ALPL: variants seen among roughly 807,000 people sequenced by gnomAD.
The protein encoded by ALPL is alkaline phosphatase, tissue-nonspecific isozyme.
ALPL carries 42 observed loss-of-function variants against 51.3 expected under a neutral mutation model. The ratio of observed to expected loss-of-function variants is 0.82; its 90% confidence interval spans 0.64 to 1.06. The LOEUF (loss-of-function observed/expected upper bound fraction) is 1.06. ALPL is among the 50% of genes least tolerant of loss of function. The probability of loss-of-function intolerance (pLI) is 0.00; values close to 1 mark genes in which losing one functional copy is unlikely to be tolerated. For missense variants in ALPL, 589 were observed against 709.4 expected, an observed-to-expected ratio of 0.83 and a Z score of 1.93; for synonymous variants, 279 against 296.4, an observed-to-expected ratio of 0.94 and a Z score of 0.60.
intron 1 of ALPL, among the ~76,000 whole-genome samples, chr1:21,550,619 ACC>A (rs1644308228): frequency 1.3e-5 from 2 of 152,064 alleles, no homozygotes; most frequent in Admixed American, 6.6e-5. Flanking sequence ...TGACAGCTGA[ACC>A]CACCGTGTAA....
At chr1:21,552,114 T>TCCCCCCCCCCCCCCCCCC (rs1244827813) in intron 1 of ALPL, among the ~76,000 whole-genome samples, 1 of 51,432 alleles carries the variant, frequency 1.9e-5, no homozygotes, top group African/African-American at 7.1e-5. Context: ...TTTCCTCCCC[T>TCCCCCCCCCCCCCCCCCC]TCCCTTTCCT....
chr1:21,560,821 G>A (rs1014241499), intron 3 of ALPL, 76 bp downstream of exon 3: 2 of 1,586,214 alleles, frequency 1.3e-6, no homozygotes, highest in African/African-American at 1.3e-5. Context: ...CTGAGTTGAA[G>A]GGGGCTGTGT....
chr1:21,549,463 TTTTTTC>T (rs1486522535), intron 1 of ALPL, among the ~76,000 whole-genome samples: 1 of 151,176 alleles, frequency 6.6e-6, no homozygotes, highest in Non-Finnish European at 1.5e-5. Flanking sequence ...GGCTGAATGC[TTTTTTC>T]TTTTTCTTTT....
At chr1:21,521,223 C>T (rs922325644) in intron 1 of ALPL, among the ~76,000 whole-genome samples, 6 of 151,828 alleles carry the variant, frequency 4.0e-5, no homozygotes, top group African/African-American at 1.2e-4. Flanking sequence ...TCTGCTCTGT[C>T]GCCCAGGCTG....
At chr1:21,566,735 C>G (rs1446874272) in intron 6 of ALPL, among the ~76,000 whole-genome samples, 2 of 151,928 alleles carry the variant, frequency 1.3e-5, no homozygotes, top group East Asian at 3.9e-4. Context: ...GAGCACAAGC[C>G]TGTACCACCA....
In ALPL at chr1:21,554,021, C is replaced by CA; in HGVS notation, c.-61_-60insA. ...CATCTGACCACTGCCAGCCCACCCC[C>CA]TCCCACCCACGTCGATTGCATCTCT... On this transcript the variant is annotated 5_prime_UTR_variant, in exon 2 of 12. Transcript: ENST00000374840. 4 of 1,080,976 alleles carry CA rather than the reference C, an allele frequency of 3.7e-6. No individual in the cohort carries two copies. Among genetic ancestry groups the CA allele is most frequent in the Non-Finnish European group, 5.7e-6 (4 of 703,622 alleles). 67.0% of individuals were successfully genotyped at this position (1,080,976 alleles called of 1,614,324 possible). A position where few individuals can be genotyped will look rare whatever the true frequency, so the allele number is the denominator to read the frequency against.
intron 6 of ALPL, among the ~76,000 whole-genome samples, chr1:21,566,189 T>C (rs1644561960): frequency 6.6e-6 from 1 of 152,054 alleles, no homozygotes; most frequent in Non-Finnish European, 1.5e-5. Flanking sequence ...TAGAAATGCC[T>C]TCCAGTGGCA....
rs72874240 is a variant in ALPL, at chr1:21,513,935, G to A, written c.-105+4418G>A. On this transcript the variant is annotated intron_variant, in intron 1 of 11. Coordinates refer to ENST00000374840, the MANE Select transcript of ALPL (RefSeq NM_000478.6). Reference sequence around the variant, plus strand: ...CTCACACTTGCCCACCTGCCTCCCTGACATTACCTACCTACCTTCTGAGCT... The same window carrying A: ...CTCACACTTGCCCACCTGCCTCCCTAACATTACCTACCTACCTTCTGAGCT... Among the ~76,000 whole-genome samples the A allele has an allele frequency of 3.0e-3, 461 of 152,270 alleles. 4 individuals carry two copies. Among genetic ancestry groups the A allele is most frequent in the African/African-American group, 0.011 (449 of 41,554 alleles).
At chr1:21,511,161 T>A (rs1171172543) in intron 1 of ALPL, among the ~76,000 whole-genome samples, 1 of 152,240 alleles carries the variant, frequency 6.6e-6, no homozygotes, top group African/African-American at 2.4e-5. Context: ...TCTTCTGGAT[T>A]GGATGTTTGC....
chr1:21,563,084 T>A (rs1271932778), intron 4 of ALPL, 26 bp from the exon 5 acceptor site: 4 of 1,613,216 alleles, frequency 2.5e-6, no homozygotes, highest in Non-Finnish European at 3.4e-6. Flanking sequence ...CCTGGCCATC[T>A]CCTGACCCTC....
At chr1:21,527,530 A>G (rs1643964067) in intron 1 of ALPL, among the ~76,000 whole-genome samples, 1 of 150,952 alleles carries the variant, frequency 6.6e-6, no homozygotes, top group Admixed American at 6.6e-5. Context: ...TTGATGCTGT[A>G]ACTTTTATTA....
chr1:21,534,160 G>A (rs1570208215), intron 1 of ALPL, among the ~76,000 whole-genome samples: 2 of 152,084 alleles, frequency 1.3e-5, no homozygotes, highest in East Asian at 3.9e-4. Context: ...AATTTTTGTA[G>A]AGACAGGATT....
intron 6 of ALPL, among the ~76,000 whole-genome samples, chr1:21,566,841 C>T (rs900565886): frequency 6.6e-6 from 1 of 152,170 alleles, no homozygotes; most frequent in East Asian, 1.9e-4. Context: ...AAGTGATCCT[C>T]CCGCCTCAGC....
chr1:21,552,110 CCCCTTCCCTTTCCT>C (rs1277773680), intron 1 of ALPL, among the ~76,000 whole-genome samples: 244 of 2,626 alleles, frequency 0.093, 3 homozygotes, highest in Middle Eastern at 0.25. Context: ...TCCCTTTCCT[CCCCTTCCCTTTCCT>C]CCCTCCCCTC....
chr1:21,554,064 C>T lies in ALPL; in HGVS notation c.-18C>T. ...GCATCTCTGGGCTCCAGGGATAAAG[C>T]AGGTCTTGGGGTGCACCATGATTTC... On this transcript the variant is annotated 5_prime_UTR_variant, in exon 2 of 12. Coordinates refer to ENST00000374840, the MANE Select transcript of ALPL (RefSeq NM_000478.6). The T allele has an allele frequency of 6.4e-7, 1 of 1,562,674 alleles. No homozygotes were observed. Among genetic ancestry groups the T allele is most frequent in the Non-Finnish European group, 8.7e-7 (1 of 1,147,610 alleles).
At position 21,577,544 on chromosome 1, in the gene ALPL, G is replaced by C; in HGVS notation, c.1471G>C (p.Gly491Arg). The C allele has an allele frequency of 6.2e-7, 1 of 1,605,978 alleles. No homozygotes were observed. The highest frequency in any genetic ancestry group is 8.5e-7 in the Non-Finnish European group (1 of 1,179,798). Residue 491 changes from glycine (G) to arginine (R), a missense_variant, in exon 12 of 12, where the codon GGG becomes CGG. Gly to Arg is a moderately radical substitution (Grantham distance 125, BLOSUM62 -2). Coordinates refer to ENST00000374840, the MANE Select transcript of ALPL (RefSeq NM_000478.6). Reference protein sequence around the residue: ...PHVMAYAACIGANLGHCAPAS... With the variant: ...PHVMAYAACIRANLGHCAPAS... ...CGTGATGGCGTATGCAGCCTGCATC[G>C]GGGCCAACCTCGGCCACTGTGCTCC...
At chr1:21,554,626 G>A (rs1055565939) in intron 2 of ALPL, among the ~76,000 whole-genome samples, 1 of 151,230 alleles carries the variant, frequency 6.6e-6, no homozygotes, top group Non-Finnish European at 1.5e-5. Flanking sequence ...AAGTAGCTGG[G>A]ACTACAGGTG....
intron 1 of ALPL, among the ~76,000 whole-genome samples, chr1:21,527,504 G>T (rs941703954): frequency 6.7e-6 from 1 of 150,262 alleles, no homozygotes; most frequent in Non-Finnish European, 1.5e-5. Flanking sequence ...CTGTCTTTTT[G>T]TACAAACCTG....
chr1:21,563,042 T>C, intron 4 of ALPL, 68 bp from the exon 5 acceptor site: 5 of 1,589,208 alleles, frequency 3.1e-6, no homozygotes, highest in Non-Finnish European at 4.3e-6. Context: ...ATGGTGTGAG[T>C]GTAGGCGGGG....
Sources: gnomAD v4.1 joint callset for allele counts (sites outside exome capture counted in the v4.1 genomes callset) on GRCh38, gnomAD v4.1.1 for gene constraint, MANE v1.5 for transcripts, NCBI Gene and HGNC (gene_info 2026-07-23, HGNC 2026-07-21) for gene names.